PRDM15: variants seen among roughly 807,000 people sequenced by gnomAD.
The protein encoded by PRDM15 is PR/SET domain 15, also known as PR domain zinc finger protein 15.
Under a neutral mutation model 128.6 loss-of-function variants are expected in PRDM15, and 64 were observed. The observed-to-expected ratio is 0.50, with a 90% CI of 0.41 to 0.61. The LOEUF (loss-of-function observed/expected upper bound fraction) is 0.61. PRDM15 is among the 20% of genes least tolerant of loss of function. The pLI, the probability that PRDM15 is intolerant of heterozygous loss-of-function variation, is 0.00. For synonymous variants in PRDM15, 615 were observed against 621.8 expected, an observed-to-expected ratio of 0.99 and a Z score of 0.16; for missense variants, 1,242 against 1,569.1, an observed-to-expected ratio of 0.79 and a Z score of 3.52.
rs1568883010 is a variant in PRDM15 at position 41,806,436 on chromosome 21, CCA to C, written c.2653-1824_2653-1823del. Among the ~76,000 whole-genome samples the C allele has an allele frequency of 4.8e-3, 157 of 32,992 alleles. 6 individuals carry two copies. Among genetic ancestry groups the C allele is most frequent in the Middle Eastern group, 0.017 (1 of 60 alleles). The allele number at this position is 32,992 out of a possible 152,430, so 21.6% of individuals were successfully genotyped here. On this transcript the variant is annotated intron_variant, in intron 21 of 23. Transcript: ENST00000398548. Reference sequence around the variant, plus strand: ...ATCACCACCACCACCATCACCACCACCACCATCACCACCACCCATCACCATCA... The same window carrying C: ...ATCACCACCACCACCATCACCACCACCCATCACCACCACCCATCACCATCA...
At chr21:41,823,950 G>A (rs2062376374) in intron 13 of PRDM15, among the ~76,000 whole-genome samples, 1 of 152,220 alleles carries the variant, frequency 6.6e-6, no homozygotes, top group Non-Finnish European at 1.5e-5. Flanking sequence ...ACGCATCCAA[G>A]GGGGTCACCT....
In PRDM15 at chr21:41,862,015, TG is replaced by T; in HGVS notation, c.-9-1644del. 6.2e-7 allele frequency: 1 copy of T among 1,608,902 alleles called. No individual in the cohort carries two copies. The highest frequency in any genetic ancestry group is 8.5e-7 in the Non-Finnish European group (1 of 1,176,612). On this transcript the variant is annotated intron_variant, in intron 1 of 23. Coordinates refer to ENST00000398548, the MANE Select transcript of PRDM15 (RefSeq NM_001040424.3). The surrounding 1 kb of genome is among the most constrained non-coding windows in gnomAD (Gnocchi z 4.1). Reference sequence around the variant, plus strand: ...CCTTGCCTGCCCCAGTTCCTGTGGATGGGCACCTCGGCGCAAATAGGGACCA... The same window carrying T: ...CCTTGCCTGCCCCAGTTCCTGTGGATGGCACCTCGGCGCAAATAGGGACCA...
Position 41,839,631 on chromosome 21 carries a change from T to G in PRDM15, c.863A>C (p.Glu288Ala), listed in dbSNP as rs1568962961. The change falls in exon 7 of 24, where the codon GAA becomes GCA. Residue 288 changes from glutamate to alanine, a missense_variant. Glu to Ala is a moderately radical substitution (Grantham distance 107, BLOSUM62 -1). Transcript: ENST00000398548. ...CGGGACCCGCTCATCACCTGTGGGT[T>G]CCTTGTCTTCCACGATGACTAGAGG... ...EQPLVIVEDK[E>A]PTEQVAEIIT... 1 of 1,614,148 alleles carries G rather than the reference T, an allele frequency of 6.2e-7. No homozygotes were observed. The highest frequency in any genetic ancestry group is 8.5e-7 in the Non-Finnish European group (1 of 1,179,950).
chr21:41,828,151 C>T lies in PRDM15; in HGVS notation c.1534+15G>A, dbSNP rs376974703. The T allele has an allele frequency of 4.3e-6, 7 of 1,612,028 alleles. No homozygotes were observed. The highest frequency in any genetic ancestry group is 4.5e-5 in the East Asian group (2 of 44,842). On this transcript the variant is annotated intron_variant, in intron 12 of 23. Transcript: ENST00000398548. This position sits in a 1 kb window ranked among gnomAD's most constrained non-coding sequence, Gnocchi z 5.7. ...TGCCTCTCCCCGCCCGCAGCAGGTGCGCAGGCGGCCTCACCTTCCAGGTGC... is the reference window on the plus strand; with the variant it reads ...TGCCTCTCCCCGCCCGCAGCAGGTGTGCAGGCGGCCTCACCTTCCAGGTGC...
intron 13 of PRDM15, among the ~76,000 whole-genome samples, chr21:41,824,879 G>A (rs538363204): frequency 6.6e-6 from 1 of 152,374 alleles, no homozygotes; most frequent in South Asian, 2.1e-4. Context: ...TCAAAAGCTC[G>A]GTGATGGTGC....
rs113476609 is a variant in PRDM15, at chr21:41,825,950, C to A, written c.1629+10G>T. The A allele has an allele frequency of 8.1e-6, 13 of 1,602,230 alleles. No individual in the cohort carries two copies. In the African/African-American group the frequency reaches 1.5e-4, roughly 18 times the overall value. ...CCATCTCAGCGTCCGACGTGGACTGCGAGCATTACCTTGCCACACACCGGG... is the reference window on the plus strand; with the variant it reads ...CCATCTCAGCGTCCGACGTGGACTGAGAGCATTACCTTGCCACACACCGGG... On this transcript the variant is annotated intron_variant, in intron 13 of 23. Coordinates refer to ENST00000398548, the MANE Select transcript of PRDM15 (RefSeq NM_001040424.3).
chr21:41,871,732 C>G (rs568850719), intron 1 of PRDM15: 20 of 1,209,324 alleles, frequency 1.7e-5, no homozygotes, highest in Non-Finnish European at 2.3e-5. Flanking sequence ...TTACCACTGA[C>G]AGCCAATCAG....
intron 11 of PRDM15, chr21:41,834,428 TAACAAG>T: frequency 7.3e-6 from 10 of 1,373,686 alleles, no homozygotes; most frequent in South Asian, 2.5e-5. Context: ...GGTGGCACCT[TAACAAG>T]AACAACACAG....
At chr21:41,806,371 TACCACCATC>T (rs2061624195) in intron 21 of PRDM15, among the ~76,000 whole-genome samples, 4 of 3,386 alleles carry the variant, frequency 1.2e-3, no homozygotes, top group Non-Finnish European at 4.7e-4. Flanking sequence ...CCACCATCAC[TACCACCATC>T]ACCACCACCA....
intron 16 of PRDM15, among the ~76,000 whole-genome samples, 196 bp from the exon 17 acceptor site, chr21:41,820,370 G>A (rs1278681231): frequency 6.6e-6 from 1 of 152,164 alleles, no homozygotes; most frequent in Admixed American, 6.5e-5. Context: ...TCTTAACCCC[G>A]GCACTTCACA....
rs756592474 is a variant in PRDM15 at position 41,828,177 on chromosome 21, C to T, written c.1523G>A (p.Arg508Gln). The T allele has an allele frequency of 1.5e-5, 24 of 1,613,656 alleles. No individual in the cohort carries two copies. Among genetic ancestry groups the T allele is most frequent in the Middle Eastern group, 1.7e-4 (1 of 5,980 alleles). ...GCAGGCGGCCTCACCTTCCAGGTGC[C>T]GGCGCTGGTGGTCCAGCATGACGTC... ...RKDVMLDHQR[R>Q]HLEGVRRVKR... The change falls in exon 12 of 24, where the codon CGG (arginine) becomes CAG (glutamine). Residue 508 changes from arginine to glutamine, a missense_variant. By Grantham distance (43) the Arg-to-Gln change is conservative (BLOSUM62 1). Transcript: ENST00000398548. The surrounding 1 kb of genome is among the most constrained non-coding windows in gnomAD (Gnocchi z 5.7).
At chr21:41,860,560 C>A (rs2063780466) in intron 1 of PRDM15, among the ~76,000 whole-genome samples, 188 bp from the exon 2 acceptor site, 1 of 152,164 alleles carries the variant, frequency 6.6e-6, no homozygotes, top group African/African-American at 2.4e-5. Flanking sequence ...GTAGCTGGGA[C>A]TACAGGTGTG....
rs1367632515 is a variant in PRDM15 at position 41,828,987 on chromosome 21, CCACA to C, written c.1367-658_1367-655del. On this transcript the variant is annotated intron_variant, in intron 11 of 23. Coordinates refer to ENST00000398548, the MANE Select transcript of PRDM15 (RefSeq NM_001040424.3). This position sits in a 1 kb window ranked among gnomAD's most constrained non-coding sequence, Gnocchi z 5.7. ...CATACACACACCACGCACACATGCC[CCACA>C]CAAATACACAACCACACACACCACA... 5.1e-4 allele frequency among the ~76,000 whole-genome samples: 76 copies of C among 149,608 alleles called. 1 individual carries two copies. The East Asian group carries it at 0.013, about 26-fold the overall frequency.
chr21:41,876,288 A>G (rs1301039467), intron 1 of PRDM15, among the ~76,000 whole-genome samples: 4 of 152,332 alleles, frequency 2.6e-5, no homozygotes, highest in Non-Finnish European at 4.4e-5. Flanking sequence ...ATCAGTTCAC[A>G]TAGCATGGAC....
intron 11 of PRDM15, among the ~76,000 whole-genome samples, chr21:41,831,038 G>T (rs2062673175): frequency 6.6e-6 from 1 of 152,238 alleles, no homozygotes; most frequent in Non-Finnish European, 1.5e-5. Flanking sequence ...CGCCAACGTG[G>T]GAGGACATGA....
At chr21:41,827,497 G>A (rs1167260660) in intron 12 of PRDM15, among the ~76,000 whole-genome samples, 2 of 152,216 alleles carry the variant, frequency 1.3e-5, no homozygotes, top group African/African-American at 2.4e-5. Context: ...CTACAAGTAT[G>A]TGCCACCATG....
At chr21:41,878,762 G>GTA (rs1214202339) in intron 1 of PRDM15, 1 of 1,492,612 alleles carries the variant, frequency 6.7e-7, no homozygotes, top group Non-Finnish European at 8.9e-7. Context: ...CGCATGGGCT[G>GTA]TACCCGAGGG....
rs1024930178 is a variant in PRDM15 at position 41,803,094 on chromosome 21, C to T, written c.2734-173G>A. 6.2e-4 allele frequency: 390 copies of T among 627,778 alleles called. No individual in the cohort carries two copies. In the East Asian group the frequency reaches 8.7e-3, roughly 14 times the overall value. 38.9% of individuals were successfully genotyped at this position (627,778 alleles called of 1,614,324 possible). A position where few individuals can be genotyped will look rare whatever the true frequency, so the allele number is the denominator to read the frequency against. ...AGCTGGGTCTTGTATTTCTAAGGAT[C>T]GGGGCAAGTTCCTTTAGTTGCAGAT... is the stretch of plus-strand genomic sequence containing the variant. On this transcript the variant is annotated intron_variant, in intron 22 of 23. Transcript: ENST00000398548.
intron 21 of PRDM15, among the ~76,000 whole-genome samples, chr21:41,807,938 G>A (rs1309657130): frequency 6.6e-6 from 1 of 152,174 alleles, no homozygotes; most frequent in Non-Finnish European, 1.5e-5. Flanking sequence ...AAGGAGCAGA[G>A]CACAGAAGGC....
Sources: allele counts gnomAD v4.1 joint callset (sites outside exome capture counted in the v4.1 genomes callset), GRCh38; gene constraint gnomAD v4.1.1; non-coding constraint Gnocchi (gnomAD v3.1); transcripts MANE v1.5; gene names NCBI Gene and HGNC (gene_info 2026-07-23, HGNC 2026-07-21).